Variants in TMEM150C observed in about 807,000 individuals in gnomAD.
TMEM150C encodes tentonin 3.
Under a neutral mutation model 29.9 loss-of-function variants are expected in TMEM150C, and 10 were observed. That is an observed-to-expected ratio of 0.33 (90% CI 0.21 to 0.57). TMEM150C has a LOEUF of 0.57. TMEM150C is among the 20% of genes least tolerant of loss of function. The pLI is 0.88. For synonymous variants in TMEM150C, 101 were observed against 112.5 expected, an observed-to-expected ratio of 0.90 and a Z score of 0.64; for missense variants, 251 against 303.6, an observed-to-expected ratio of 0.83 and a Z score of 1.29.
At chr4:82,543,003 T>C (rs1158890694) in intron 1 of TMEM150C, among the ~76,000 whole-genome samples, 2 of 152,228 alleles carry the variant, frequency 1.3e-5, no homozygotes, top group Admixed American at 6.5e-5. Flanking sequence ...GTTATGTATA[T>C]AGCACTTACT....
intron 1 of TMEM150C, among the ~76,000 whole-genome samples, chr4:82,538,600 T>A (rs1725091198): frequency 6.6e-6 from 1 of 152,090 alleles, no homozygotes; most frequent in Admixed American, 6.6e-5. Context: ...ATAAATAAGA[T>A]GGGTAAAAAA....
At chr4:82,488,500 G>T (rs1272641515) in intron 7 of TMEM150C, among the ~76,000 whole-genome samples, 1 of 152,224 alleles carries the variant, frequency 6.6e-6, no homozygotes, top group Non-Finnish European at 1.5e-5. Flanking sequence ...TATTATGACT[G>T]AAGATGTGTA....
intron 1 of TMEM150C, among the ~76,000 whole-genome samples, chr4:82,540,484 G>T (rs558930406): frequency 6.6e-6 from 1 of 151,806 alleles, no homozygotes; most frequent in South Asian, 2.1e-4. Context: ...TTCTTAAAAA[G>T]GTTTTGCTTT....
intron 1 of TMEM150C, among the ~76,000 whole-genome samples, chr4:82,516,510 T>C (rs766281953): frequency 2.0e-5 from 3 of 152,240 alleles, no homozygotes; most frequent in Non-Finnish European, 4.4e-5. Context: ...ATGGGGATCA[T>C]AATAGTACCT....
chr4:82,486,253 A>G (rs965182903), intron 7 of TMEM150C, among the ~76,000 whole-genome samples: 3 of 147,014 alleles, frequency 2.0e-5, no homozygotes, highest in African/African-American at 7.5e-5. Flanking sequence ...AAATTAAGCT[A>G]TTTTAAAAAA....
At chr4:82,562,027 C>G, upstream of TMEM150C, 1 of 1,156,260 alleles carries the variant, frequency 8.6e-7, no homozygotes, top group Non-Finnish European at 1.1e-6. Flanking sequence ...TCTGCTCACC[C>G]GCCCGCCCGG....
intron 1 of TMEM150C, among the ~76,000 whole-genome samples, chr4:82,518,938 A>G (rs1179856390): frequency 6.6e-6 from 1 of 152,158 alleles, no homozygotes; most frequent in East Asian, 1.9e-4. Context: ...TGGATTCTCA[A>G]ATCAGTTATA....
chr4:82,539,173 T>C (rs757749165), intron 1 of TMEM150C, among the ~76,000 whole-genome samples: 1 of 152,212 alleles, frequency 6.6e-6, no homozygotes, highest in Non-Finnish European at 1.5e-5. Context: ...AGTATCTCTC[T>C]TTTTCAAACT....
chr4:82,490,564 G>A (rs1374800903), intron 6 of TMEM150C, among the ~76,000 whole-genome samples: 1 of 151,880 alleles, frequency 6.6e-6, no homozygotes, highest in African/African-American at 2.4e-5. Flanking sequence ...CCAGGAATTT[G>A]GACATGGTTT....
intron 1 of TMEM150C, among the ~76,000 whole-genome samples, chr4:82,531,049 A>G (rs1724829876): frequency 6.6e-6 from 1 of 152,192 alleles, no homozygotes; most frequent in Non-Finnish European, 1.5e-5. Flanking sequence ...ACATTTTGAC[A>G]TGAGATTTGG....
intron 5 of TMEM150C, among the ~76,000 whole-genome samples, chr4:82,498,695 G>T (rs527961619): frequency 5.9e-5 from 9 of 152,306 alleles, no homozygotes; most frequent in African/African-American, 1.9e-4. Context: ...CCTAAACCCA[G>T]TTCCTGAAAT....
At chr4:82,555,015 T>C (rs984396397) in intron 1 of TMEM150C, among the ~76,000 whole-genome samples, 7 of 152,240 alleles carry the variant, frequency 4.6e-5, no homozygotes, top group African/African-American at 1.7e-4. Context: ...TTGCCTCTTC[T>C]AGTCTACCTG....
intron 1 of TMEM150C, among the ~76,000 whole-genome samples, chr4:82,530,520 G>A (rs770838638): frequency 4.6e-5 from 7 of 152,100 alleles, no homozygotes; most frequent in Non-Finnish European, 1.0e-4. Flanking sequence ...TCGCGCCACC[G>A]CACTCCAGCC....
chr4:82,546,856 A>C (rs1725402545), intron 1 of TMEM150C, among the ~76,000 whole-genome samples: 1 of 152,008 alleles, frequency 6.6e-6, no homozygotes, highest in Non-Finnish European at 1.5e-5. Flanking sequence ...AAAATAAATA[A>C]AACTGGACTT....
chr4:82,560,688 C>T (rs545897275), intron 1 of TMEM150C, among the ~76,000 whole-genome samples: 6 of 152,250 alleles, frequency 3.9e-5, no homozygotes, highest in African/African-American at 1.4e-4. Flanking sequence ...TTAATGACTG[C>T]TACCATGGAG....
intron 1 of TMEM150C, among the ~76,000 whole-genome samples, chr4:82,559,710 T>G (rs1456083598): frequency 3.3e-5 from 5 of 152,364 alleles, no homozygotes; most frequent in African/African-American, 1.2e-4. Flanking sequence ...TACCAGAACC[T>G]AATCACACCG....
intron 6 of TMEM150C, chr4:82,495,081 G>A: frequency 2.6e-6 from 3 of 1,138,942 alleles, no homozygotes; most frequent in Non-Finnish European, 3.6e-6. Context: ...TTTGGTCCTA[G>A]GTTTCTTACC....
chr4:82,541,717 A>T (rs1308963566), intron 1 of TMEM150C, among the ~76,000 whole-genome samples: 1 of 152,180 alleles, frequency 6.6e-6, no homozygotes, highest in Non-Finnish European at 1.5e-5. Flanking sequence ...TACTTAAATG[A>T]CGGTGGGGTT....
intron 1 of TMEM150C, among the ~76,000 whole-genome samples, chr4:82,536,238 G>GTCCCA (rs1724998914): frequency 6.6e-6 from 1 of 151,452 alleles, no homozygotes; most frequent in African/African-American, 2.4e-5. Flanking sequence ...TGCACCTGTA[G>GTCCCA]TCCCAGCTAC....
Sources: allele counts gnomAD v4.1 joint callset (sites outside exome capture counted in the v4.1 genomes callset), GRCh38; gene constraint gnomAD v4.1.1; transcripts MANE v1.5; gene names NCBI Gene and HGNC (gene_info 2026-07-23, HGNC 2026-07-21).